LCLAT1: variants seen among roughly 807,000 people sequenced by gnomAD.
LCLAT1 encodes the protein lysocardiolipin acyltransferase 1.
Under a neutral mutation model 30.7 loss-of-function variants are expected in LCLAT1, and 11 were observed. The observed-to-expected ratio is 0.36, with a 90% CI of 0.23 to 0.59. The LOEUF (loss-of-function observed/expected upper bound fraction) is 0.59, where lower values mean the gene tolerates loss of function less well. LCLAT1 is among the 20% of genes least tolerant of loss of function. The pLI is 0.77. For missense variants in LCLAT1, 402 were observed against 458.6 expected (o/e 0.88, Z 1.13); for synonymous variants, 155 against 151.3 (o/e 1.02, Z -0.18).
intron 3 of LCLAT1, among the ~76,000 whole-genome samples, chr2:30,543,448 G>C (rs1354387653): frequency 1.3e-5 from 2 of 152,080 alleles, no homozygotes; most frequent in Non-Finnish European, 2.9e-5. Flanking sequence ...CATAAAATGA[G>C]ATGGTCAGTG....
At chr2:30,518,250 T>C (rs1461296546) in intron 1 of LCLAT1, among the ~76,000 whole-genome samples, 2 of 152,204 alleles carry the variant, frequency 1.3e-5, no homozygotes, top group Admixed American at 6.5e-5. Context: ...TTAAATCTTA[T>C]TACTATACAA....
At chr2:30,583,101 A>G (rs1666275612) in intron 5 of LCLAT1, among the ~76,000 whole-genome samples, 1 of 152,234 alleles carries the variant, frequency 6.6e-6, no homozygotes, top group South Asian at 2.1e-4. Flanking sequence ...GTTGGCACAC[A>G]AGTTTAAGAT....
chr2:30,637,713 G>C (rs1454968791), intron 5 of LCLAT1, among the ~76,000 whole-genome samples: 1 of 152,196 alleles, frequency 6.6e-6, no homozygotes, highest in African/African-American at 2.4e-5. Flanking sequence ...AAGTAGCTGA[G>C]ATTACAAGCG....
intron 1 of LCLAT1, among the ~76,000 whole-genome samples, chr2:30,480,429 A>G (rs1683261727): frequency 1.3e-5 from 2 of 152,166 alleles, no homozygotes; most frequent in African/African-American, 4.8e-5. Flanking sequence ...TTCTGAGTTC[A>G]AGTAATCTAC....
At chr2:30,486,449 A>G (rs942274540) in intron 1 of LCLAT1, among the ~76,000 whole-genome samples, 35 of 152,282 alleles carry the variant, frequency 2.3e-4, no homozygotes, top group African/African-American at 7.9e-4. Flanking sequence ...CCACTGACCT[A>G]ACCACCCTTA....
chr2:30,535,924 C>T (rs190313692), intron 3 of LCLAT1, among the ~76,000 whole-genome samples: 12 of 152,010 alleles, frequency 7.9e-5, no homozygotes, highest in East Asian at 1.9e-4. Context: ...CATCAGGAAA[C>T]AATTCATGAT....
At chr2:30,629,743 C>T (rs955725489) in intron 5 of LCLAT1, among the ~76,000 whole-genome samples, 1 of 152,048 alleles carries the variant, frequency 6.6e-6, no homozygotes, top group Admixed American at 6.6e-5. Context: ...TTTAGTTAAG[C>T]TTATGAAGGT....
intron 5 of LCLAT1, among the ~76,000 whole-genome samples, chr2:30,585,692 T>A (rs545966950): frequency 1.3e-5 from 2 of 152,204 alleles, no homozygotes; most frequent in Non-Finnish European, 2.9e-5. Context: ...TTCTCTCTTA[T>A]CGGTTATACT....
intron 1 of LCLAT1, among the ~76,000 whole-genome samples, chr2:30,495,645 C>G (rs1020217069): frequency 1.1e-4 from 16 of 151,944 alleles, no homozygotes; most frequent in African/African-American, 3.1e-4. Context: ...CCAATGGAGC[C>G]TCAATCTTCT....
intron 1 of LCLAT1, among the ~76,000 whole-genome samples, chr2:30,505,246 A>G (rs534259061): frequency 1.2e-4 from 19 of 152,258 alleles, no homozygotes; most frequent in South Asian, 4.1e-4. Flanking sequence ...TTTGCCCTCT[A>G]AACTGGGTAT....
intron 5 of LCLAT1, among the ~76,000 whole-genome samples, chr2:30,614,209 G>A (rs1199123449): frequency 1.0e-5 from 1 of 96,128 alleles, no homozygotes; most frequent in Admixed American, 1.2e-4. Flanking sequence ...GGAGCATGCT[G>A]CCTTCAAGCA....
At chr2:30,610,979 G>C (rs1667707283) in intron 5 of LCLAT1, among the ~76,000 whole-genome samples, 1 of 148,334 alleles carries the variant, frequency 6.7e-6, no homozygotes, top group Non-Finnish European at 1.5e-5. Context: ...CAAACACTGA[G>C]TTTAATTTTG....
intron 3 of LCLAT1, among the ~76,000 whole-genome samples, chr2:30,561,162 C>T (rs1481091485): frequency 2.0e-5 from 3 of 152,018 alleles, no homozygotes; most frequent in East Asian, 1.9e-4. Context: ...AGGCTGGTCT[C>T]GAACTCCTGA....
intron 1 of LCLAT1, among the ~76,000 whole-genome samples, chr2:30,484,959 G>A (rs1289649385): frequency 1.3e-5 from 2 of 151,986 alleles, no homozygotes; most frequent in Non-Finnish European, 2.9e-5. Flanking sequence ...GTATATGTGT[G>A]TTAAATTTTT....
intron 5 of LCLAT1, among the ~76,000 whole-genome samples, chr2:30,572,243 G>A (rs1200559194): frequency 6.6e-6 from 1 of 152,100 alleles, no homozygotes; most frequent in Non-Finnish European, 1.5e-5. Flanking sequence ...CTTGTGTTTA[G>A]TGAAAAAAGT....
At chr2:30,460,595 A>G (rs1036465847) in intron 1 of LCLAT1, among the ~76,000 whole-genome samples, 5 of 152,180 alleles carry the variant, frequency 3.3e-5, no homozygotes, top group African/African-American at 1.2e-4. Flanking sequence ...GGTTCCTGAC[A>G]ATGAGCTTCA....
intron 5 of LCLAT1, among the ~76,000 whole-genome samples, chr2:30,604,278 C>A: frequency 6.6e-6 from 1 of 152,080 alleles, no homozygotes; most frequent in East Asian, 1.9e-4. Context: ...CTTCTATGTT[C>A]TTTAGGACTG....
chr2:30,628,056 T>A (rs924008480), intron 5 of LCLAT1, among the ~76,000 whole-genome samples: 7 of 152,186 alleles, frequency 4.6e-5, no homozygotes, highest in African/African-American at 1.7e-4. Flanking sequence ...ATAAAAAAAA[T>A]TTGTAAGTTG....
intron 1 of LCLAT1, among the ~76,000 whole-genome samples, chr2:30,492,974 G>A (rs1400720861): frequency 6.6e-6 from 1 of 152,012 alleles, no homozygotes; most frequent in Admixed American, 6.6e-5. Flanking sequence ...GGCTTATTTT[G>A]GCACCACTAC....
Sources: gnomAD v4.1 joint callset for allele counts (sites outside exome capture counted in the v4.1 genomes callset) on GRCh38, gnomAD v4.1.1 for gene constraint, MANE v1.5 for transcripts, NCBI Gene and HGNC (gene_info 2026-07-23, HGNC 2026-07-21) for gene names.